SPON1: variants seen among roughly 807,000 people sequenced by gnomAD.
The protein encoded by SPON1 is spondin-1.
SPON1 carries 52 observed loss-of-function variants against 111.7 expected under a neutral mutation model. That is an observed-to-expected ratio of 0.47 (90% confidence interval 0.37 to 0.59). The LOEUF is 0.59. Ranked by LOEUF, SPON1 falls within the 20% of genes least tolerant of loss-of-function variation. SPON1 has a pLI of 0.00. For missense variants in SPON1, 957 were observed against 1,068.5 expected (o/e 0.90, Z 1.46); for synonymous variants, 410 against 395.8 (o/e 1.04, Z -0.43).
At chr11:13,985,060 C>A (rs536475639) in intron 2 of SPON1, among the ~76,000 whole-genome samples, 10 of 152,306 alleles carry the variant, frequency 6.6e-5, no homozygotes, top group African/African-American at 2.4e-4. Context: ...ATCTCAAGCC[C>A]ATCCAGACTT....
intron 6 of SPON1, among the ~76,000 whole-genome samples, chr11:14,202,121 T>C (rs1554935697): frequency 2.0e-5 from 3 of 152,342 alleles, no homozygotes; most frequent in South Asian, 2.1e-4. Flanking sequence ...AGAGCTCTAA[T>C]TGAACACTGT....
At chr11:14,133,431 G>T (rs1233782215) in intron 5 of SPON1, among the ~76,000 whole-genome samples, 2 of 152,322 alleles carry the variant, frequency 1.3e-5, no homozygotes, top group Non-Finnish European at 2.9e-5. Context: ...AAAAGTTTAG[G>T]TTGGCTTGTG....
At chr11:14,127,531 G>A in intron 5 of SPON1, among the ~76,000 whole-genome samples, 1 of 152,124 alleles carries the variant, frequency 6.6e-6, no homozygotes, top group Non-Finnish European at 1.5e-5. Flanking sequence ...TCCTACCAAA[G>A]GTATGGTACC....
chr11:14,194,776 AC>A (rs1848383302), intron 6 of SPON1, among the ~76,000 whole-genome samples: 1 of 152,220 alleles, frequency 6.6e-6, no homozygotes, highest in Non-Finnish European at 1.5e-5. Context: ...TTAGGGTAAA[AC>A]ACTGGCTTGC....
chr11:13,967,156 T>A (rs1441168613), intron 1 of SPON1, among the ~76,000 whole-genome samples: 1 of 152,172 alleles, frequency 6.6e-6, no homozygotes, highest in Non-Finnish European at 1.5e-5. Flanking sequence ...CAGGATACAG[T>A]CTCAGGTCTG....
In SPON1 at chr11:14,259,086, T is replaced by C. The variant is rs1173740014; in HGVS notation, c.1493-194T>C. 6.6e-6 allele frequency among the ~76,000 whole-genome samples: 1 copy of C among 152,246 alleles called. No individual in the cohort carries two copies. Among genetic ancestry groups the C allele is most frequent in the Non-Finnish European group, 1.5e-5 (1 of 68,044 alleles). On this transcript the variant is annotated intron_variant, in intron 11 of 15. Coordinates refer to ENST00000576479, the MANE Select transcript of SPON1 (RefSeq NM_006108.4). This position sits in a 1 kb window ranked among gnomAD's most constrained non-coding sequence, Gnocchi z 5.0. ...ATGAGATAAAGAGTAATTCTGAGTG[T>C]CCCATGCACCTGGAAAAGAGGCATT...
chr11:14,186,424 G>A (rs1554934077), intron 6 of SPON1, among the ~76,000 whole-genome samples: 4 of 152,216 alleles, frequency 2.6e-5, no homozygotes, highest in Admixed American at 2.6e-4. Context: ...ACATTCCAGG[G>A]AAGATAAGTT....
In SPON1 at chr11:14,195,208, G is replaced by A. The variant is rs1848387776; in HGVS notation, c.826-48124G>A. On this transcript the variant is annotated intron_variant, in intron 6 of 15. Coordinates refer to ENST00000576479, the MANE Select transcript of SPON1 (RefSeq NM_006108.4). ...CTTCTAAATTACACTTCTATTAAATGCTATGCAGAGTTCAGAAAATGGCTG... is the reference window on the plus strand; with the variant it reads ...CTTCTAAATTACACTTCTATTAAATACTATGCAGAGTTCAGAAAATGGCTG... Among the ~76,000 whole-genome samples, 3 of 152,160 alleles carry A rather than the reference G, an allele frequency of 2.0e-5. No individual in the cohort carries two copies. In the South Asian group the frequency reaches 6.2e-4, roughly 31 times the overall value.
At chr11:14,106,602 T>C (rs1849186435) in intron 5 of SPON1, among the ~76,000 whole-genome samples, 1 of 152,198 alleles carries the variant, frequency 6.6e-6, no homozygotes, top group Non-Finnish European at 1.5e-5. Flanking sequence ...AAGTGAAGCA[T>C]GAGTCCAAAG....
intron 6 of SPON1, among the ~76,000 whole-genome samples, chr11:14,138,694 A>C (rs542054682): frequency 6.6e-6 from 1 of 152,248 alleles, no homozygotes; most frequent in African/African-American, 2.4e-5. Context: ...GAGCTTATGA[A>C]TACTCGTTAT....
chr11:14,170,646 G>C (rs144592895), intron 6 of SPON1, among the ~76,000 whole-genome samples: 1 of 151,504 alleles, frequency 6.6e-6, no homozygotes, highest in Admixed American at 6.6e-5. Context: ...CATAGATAGC[G>C]CTTATTATTG....
In SPON1 at chr11:14,265,795, T is replaced by C; in HGVS notation, c.*108T>C. The C allele has an allele frequency of 7.7e-7, 1 of 1,301,052 alleles. No homozygotes were observed. Among genetic ancestry groups the C allele is most frequent in the African/African-American group, 1.5e-5 (1 of 67,642 alleles). The allele number at this position is 1,301,052 out of a possible 1,614,324, so 80.6% of individuals were successfully genotyped here. A position where few individuals can be genotyped will look rare whatever the true frequency, so the allele number is the denominator to read the frequency against. On this transcript the variant is annotated 3_prime_UTR_variant, in exon 16 of 16. Coordinates refer to ENST00000576479, the MANE Select transcript of SPON1 (RefSeq NM_006108.4). ...AATTGTGTACGCTAGTTTTCATTTT[T>C]GCAGTGTGGTTCGCCCAGTAGTCTT...
intron 2 of SPON1, among the ~76,000 whole-genome samples, chr11:14,004,161 A>C (rs1223256732): frequency 6.6e-6 from 1 of 152,064 alleles, no homozygotes; most frequent in African/African-American, 2.4e-5. Flanking sequence ...ACAGACACAC[A>C]CACACACATA....
At chr11:14,096,107 A>G (rs1554923853) in intron 5 of SPON1, among the ~76,000 whole-genome samples, 1 of 152,238 alleles carries the variant, frequency 6.6e-6, no homozygotes, top group East Asian at 1.9e-4. Context: ...AGGGCAAAAG[A>G]GAAAGGATTA....
At chr11:14,057,984 T>C (rs1848760322) in intron 3 of SPON1, among the ~76,000 whole-genome samples, 1 of 152,008 alleles carries the variant, frequency 6.6e-6, no homozygotes, top group African/African-American at 2.4e-5. Flanking sequence ...GCCACTGCAC[T>C]CCAGTCTGGG....
intron 6 of SPON1, among the ~76,000 whole-genome samples, chr11:14,153,609 A>G (rs531349860): frequency 1.3e-5 from 2 of 152,326 alleles, no homozygotes; most frequent in East Asian, 1.9e-4. Flanking sequence ...ATGTGGGGAC[A>G]CAGAGCCAAA....
At chr11:14,173,947 T>A (rs1446407369) in intron 6 of SPON1, among the ~76,000 whole-genome samples, 1 of 152,190 alleles carries the variant, frequency 6.6e-6, no homozygotes, top group Non-Finnish European at 1.5e-5. Context: ...GGGACCCACT[T>A]GAGGAGGCAG....
At chr11:14,108,134 A>T (rs1849199521) in intron 5 of SPON1, among the ~76,000 whole-genome samples, 1 of 152,224 alleles carries the variant, frequency 6.6e-6, no homozygotes, top group Admixed American at 6.5e-5. Context: ...CACAGTCTAC[A>T]TCACTGTATT....
chr11:14,003,857 A>G (rs555244243), intron 2 of SPON1, among the ~76,000 whole-genome samples: 1 of 152,264 alleles, frequency 6.6e-6, no homozygotes, highest in African/African-American at 2.4e-5. Context: ...TCCTCATGCT[A>G]TACATTAGAT....
Sources: allele counts gnomAD v4.1 joint callset (sites outside exome capture counted in the v4.1 genomes callset), GRCh38; gene constraint gnomAD v4.1.1; non-coding constraint Gnocchi (gnomAD v3.1); transcripts MANE v1.5; gene names NCBI Gene and HGNC (gene_info 2026-07-23, HGNC 2026-07-21).